The following KIAA1217 variants were observed in gnomAD, a reference collection of about 807,000 sequenced individuals.
KIAA1217 encodes the protein KIAA1217.
In KIAA1217, 88 loss-of-function variants were observed where a neutral mutation model predicts 163.9. That is an observed-to-expected ratio of 0.54 (90% CI 0.45 to 0.64). KIAA1217 has a LOEUF of 0.64. Among genes scored for constraint, KIAA1217 ranks in the 30% least tolerant of loss-of-function variants. KIAA1217 has a pLI of 0.00. For missense variants in KIAA1217, 2,372 were observed against 2,475.0 expected, an observed-to-expected ratio of 0.96 and a Z score of 0.88; for synonymous variants, 903 against 923.1, an observed-to-expected ratio of 0.98 and a Z score of 0.39.
chr10:23,783,856 T>C (rs572886256), intron 1 of KIAA1217, among the ~76,000 whole-genome samples: 2 of 152,296 alleles, frequency 1.3e-5, no homozygotes, highest in African/African-American at 4.8e-5. Context: ...CAGGTGATTG[T>C]TTATAATAGT....
chr10:24,542,512 T>C, intron 17 of KIAA1217, 181 bp from the exon 18 acceptor site: 1 of 1,425,808 alleles, frequency 7.0e-7, no homozygotes, highest in Non-Finnish European at 9.2e-7. Context: ...CACAGGGCAT[T>C]TTTGGCAGTT....
intron 1 of KIAA1217, among the ~76,000 whole-genome samples, chr10:23,955,148 A>G (rs1203434985): frequency 3.3e-5 from 5 of 152,308 alleles, no homozygotes; most frequent in South Asian, 2.1e-4. Context: ...TCCCTCTTTT[A>G]TAGAACACAA....
chr10:23,928,342 G>A (rs997211447), intron 1 of KIAA1217, among the ~76,000 whole-genome samples: 13 of 152,190 alleles, frequency 8.5e-5, no homozygotes, highest in African/African-American at 7.2e-5. Context: ...AGTTACCTGA[G>A]AAAGCAGCTT....
chr10:24,436,778 A>AT (rs1354655979), intron 4 of KIAA1217, among the ~76,000 whole-genome samples: 16 of 151,368 alleles, frequency 1.1e-4, no homozygotes, highest in Non-Finnish European at 1.9e-4. Context: ...AAAAAAAAAA[A>AT]AAAAAAGACA....
intron 1 of KIAA1217, among the ~76,000 whole-genome samples, chr10:23,839,719 T>C (rs1006426308): frequency 6.6e-6 from 1 of 152,120 alleles, no homozygotes; most frequent in African/African-American, 2.4e-5. Flanking sequence ...AGAAAAACTA[T>C]CGCCTCTCCA....
chr10:24,274,469 G>A (rs947886813), intron 2 of KIAA1217, among the ~76,000 whole-genome samples: 2 of 151,996 alleles, frequency 1.3e-5, no homozygotes, highest in African/African-American at 4.8e-5. Context: ...AAGTAAAAAA[G>A]ATGAACCTGC....
chr10:24,280,982 A>G (rs1301167069), intron 2 of KIAA1217, among the ~76,000 whole-genome samples: 3 of 152,228 alleles, frequency 2.0e-5, no homozygotes, highest in Non-Finnish European at 4.4e-5. Context: ...GGATGTTGAT[A>G]GCTAATTTCA....
At chr10:24,035,492 T>G (rs1848352864) in intron 2 of KIAA1217, among the ~76,000 whole-genome samples, 1 of 152,056 alleles carries the variant, frequency 6.6e-6, no homozygotes, top group Non-Finnish European at 1.5e-5. Flanking sequence ...GAAAAAACAC[T>G]CCATATCTGC....
chr10:23,818,351 A>AAAT (rs374977941), intron 1 of KIAA1217, among the ~76,000 whole-genome samples: 15,672 of 134,690 alleles, frequency 0.12, 1,190 homozygotes, highest in Non-Finnish European at 0.16. Context: ...TATATAAAAA[A>AAAT]ATATATATAT....
intron 3 of KIAA1217, among the ~76,000 whole-genome samples, chr10:24,405,549 T>C (rs1389967067): frequency 1.3e-5 from 2 of 152,194 alleles, no homozygotes; most frequent in Non-Finnish European, 2.9e-5. Flanking sequence ...TCCTATTTTC[T>C]AGAAGGAGAC....
At chr10:23,935,062 C>G (rs1010279357) in intron 1 of KIAA1217, among the ~76,000 whole-genome samples, 1 of 152,140 alleles carries the variant, frequency 6.6e-6, no homozygotes, top group African/African-American at 2.4e-5. Context: ...CATATTACCT[C>G]CATCACATTG....
intron 1 of KIAA1217, among the ~76,000 whole-genome samples, chr10:23,710,308 T>A (rs1837171055): frequency 6.6e-6 from 1 of 152,222 alleles, no homozygotes; most frequent in Admixed American, 6.5e-5. Flanking sequence ...CAAATAATGC[T>A]GTTCTCAGTT....
rs117208870 is a variant in KIAA1217, at chr10:24,459,649, G to A, written c.847-13579G>A. ...ATAAAGAAAGGGATGTTGACCAGGCGTGATGGTTGACGCTTGTAATCCTAG... is the reference window on the plus strand; with the variant it reads ...ATAAAGAAAGGGATGTTGACCAGGCATGATGGTTGACGCTTGTAATCCTAG... On this transcript the variant is annotated intron_variant, in intron 5 of 20. Transcript: ENST00000376454. Among the ~76,000 whole-genome samples, 411 of 152,270 alleles carry A rather than the reference G, an allele frequency of 2.7e-3. 10 individuals are homozygous for A. The South Asian group carries it at 0.048, about 18-fold the overall frequency.
chr10:24,070,655 C>G (rs1221918261), intron 2 of KIAA1217, among the ~76,000 whole-genome samples: 1 of 152,158 alleles, frequency 6.6e-6, no homozygotes, highest in African/African-American at 2.4e-5. Context: ...AGGGTCAAAT[C>G]TGATAGTTGT....
At chr10:24,444,831 C>T (rs2060790573) in intron 5 of KIAA1217, among the ~76,000 whole-genome samples, 1 of 152,174 alleles carries the variant, frequency 6.6e-6, no homozygotes, top group African/African-American at 2.4e-5. Context: ...TTGTGGCCCA[C>T]CCACAGCAAG....
chr10:24,197,574 G>T (rs930946434), intron 2 of KIAA1217, among the ~76,000 whole-genome samples: 1 of 152,252 alleles, frequency 6.6e-6, no homozygotes, highest in Non-Finnish European at 1.5e-5. Context: ...GCAGTCTGGA[G>T]CATCTCCCAA....
intron 2 of KIAA1217, among the ~76,000 whole-genome samples, chr10:24,150,474 C>T (rs371917606): frequency 2.6e-5 from 4 of 152,342 alleles, no homozygotes; most frequent in African/African-American, 9.6e-5. Flanking sequence ...CAGAGAAGGT[C>T]TGCAGGAGCA....
At chr10:24,538,936 CT>C (rs2074557192) in intron 17 of KIAA1217, among the ~76,000 whole-genome samples, 1 of 151,762 alleles carries the variant, frequency 6.6e-6, no homozygotes, top group Admixed American at 6.6e-5. Context: ...GTTTCACCAT[CT>C]TGGCCAGGTT....
Position 24,474,033 on chromosome 10 carries a change from C to T in KIAA1217, c.1652C>T (p.Ala551Val), listed in dbSNP as rs373514316. The change falls in exon 6 of 21, where the codon GCG (alanine) becomes GTG (valine). Residue 551 changes from alanine to valine, a missense_variant. By Grantham distance (64) the Ala-to-Val change is moderately conservative (BLOSUM62 0). This residue lies in a region of KIAA1217 where 1,431 missense variants were observed against 1,470.3 expected (regional missense o/e 0.97). Transcript: ENST00000376454. ...MEKQVFAYSTATIPKDRETRE... is the reference protein window; with the variant it reads ...MEKQVFAYSTVTIPKDRETRE... Reference sequence around the variant, plus strand: ...AAGCAAGTTTTTGCCTACAGCACGGCGACAATACCCAAAGACAGAGAGACC... The same window carrying T: ...AAGCAAGTTTTTGCCTACAGCACGGTGACAATACCCAAAGACAGAGAGACC... The T allele has an allele frequency of 4.4e-6, 7 of 1,608,856 alleles. No homozygotes were observed. The Admixed American group carries it at 5.0e-5, about 12-fold the overall frequency.
Sources: allele counts gnomAD v4.1 joint callset (sites outside exome capture counted in the v4.1 genomes callset), GRCh38; gene constraint gnomAD v4.1.1; regional missense constraint gnomAD v4.1.1; transcripts MANE v1.5; gene names NCBI Gene and HGNC (gene_info 2026-07-23, HGNC 2026-07-21).